The following MARK1 variants were observed in gnomAD, a reference collection of about 807,000 sequenced individuals.
MARK1 encodes serine/threonine-protein kinase MARK1.
Under a neutral mutation model 96.3 loss-of-function variants are expected in MARK1, and 40 were observed. The ratio of observed to expected loss-of-function variants is 0.42; its 90% CI spans 0.32 to 0.54. MARK1 has a LOEUF of 0.54. Ranked by LOEUF, MARK1 falls within the 20% of genes least tolerant of loss-of-function variation. The pLI is 0.16. For missense variants in MARK1, 719 were observed against 984.6 expected (o/e 0.73, Z 3.61); for synonymous variants, 317 against 341.2 (o/e 0.93, Z 0.78).
intron 5 of MARK1, among the ~76,000 whole-genome samples, chr1:220,600,487 A>T (rs931709879): frequency 6.6e-6 from 1 of 152,232 alleles, no homozygotes; most frequent in Non-Finnish European, 1.5e-5. Context: ...CTGATATGTG[A>T]TAGAAAATCA....
chr1:220,585,084 A>G (rs958336855), intron 3 of MARK1, among the ~76,000 whole-genome samples: 16 of 152,216 alleles, frequency 1.1e-4, no homozygotes, highest in African/African-American at 3.9e-4. Flanking sequence ...CTTTTAACCA[A>G]TAATGATGAA....
At chr1:220,566,265 C>T (rs553355732) in intron 1 of MARK1, among the ~76,000 whole-genome samples, 12 of 152,192 alleles carry the variant, frequency 7.9e-5, no homozygotes, top group African/African-American at 2.6e-4. Context: ...GTGTTCTGCT[C>T]GTAGTAGAAG....
chr1:220,603,327 A>G (rs765520847), intron 5 of MARK1, among the ~76,000 whole-genome samples: 2 of 152,088 alleles, frequency 1.3e-5, no homozygotes, highest in Non-Finnish European at 2.9e-5. Flanking sequence ...TAATGGATCC[A>G]GTAGAAAATT....
intron 9 of MARK1, 127 bp from the exon 10 acceptor site, chr1:220,630,908 A>C: frequency 1.5e-6 from 1 of 649,598 alleles, no homozygotes; most frequent in East Asian, 2.8e-5. Flanking sequence ...TTGGCCCACT[A>C]ATCAAACTAG....
chr1:220,557,765 C>A (rs1028470044), intron 1 of MARK1, among the ~76,000 whole-genome samples: 1 of 151,904 alleles, frequency 6.6e-6, no homozygotes, highest in African/African-American at 2.4e-5. Context: ...TGTAAAACTG[C>A]CAAAAAAGAG....
intron 1 of MARK1, among the ~76,000 whole-genome samples, chr1:220,560,856 T>A (rs1662621493): frequency 6.6e-6 from 1 of 152,204 alleles, no homozygotes; most frequent in African/African-American, 2.4e-5. Context: ...GTACTCAAAG[T>A]ACAGAGGACT....
At chr1:220,614,906 C>A (rs1187067193) in intron 6 of MARK1, among the ~76,000 whole-genome samples, 1 of 151,282 alleles carries the variant, frequency 6.6e-6, no homozygotes, top group East Asian at 1.9e-4. Context: ...GTTTTTTTTC[C>A]ACCCATATTC....
At chr1:220,548,042 C>G (rs1661619221) in intron 1 of MARK1, among the ~76,000 whole-genome samples, 1 of 152,238 alleles carries the variant, frequency 6.6e-6, no homozygotes, top group African/African-American at 2.4e-5. Flanking sequence ...ATTCCTCTTC[C>G]TACAATACTT....
At chr1:220,657,861 T>A in intron 17 of MARK1, 27 bp downstream of exon 17, 1 of 1,508,254 alleles carries the variant, frequency 6.6e-7, no homozygotes, top group Non-Finnish European at 8.9e-7. Context: ...AATACTTCGC[T>A]GCTAGGTCCC....
At chr1:220,610,506 A>G (rs1308205747) in intron 6 of MARK1, among the ~76,000 whole-genome samples, 1 of 151,924 alleles carries the variant, frequency 6.6e-6, no homozygotes, top group Non-Finnish European at 1.5e-5. Flanking sequence ...ATCCTCCTTT[A>G]GTTTGGAGAA....
At chr1:220,598,007 T>C (rs181157583) in intron 3 of MARK1, among the ~76,000 whole-genome samples, 2 of 152,204 alleles carry the variant, frequency 1.3e-5, no homozygotes, top group Admixed American at 1.3e-4. Flanking sequence ...GTTTTTCTTC[T>C]GTAGCTTTTC....
intron 1 of MARK1, among the ~76,000 whole-genome samples, chr1:220,568,798 G>C (rs1176244301): frequency 2.0e-5 from 3 of 152,220 alleles, no homozygotes; most frequent in South Asian, 2.1e-4. Flanking sequence ...TACATAACCA[G>C]CTCTGCCTAT....
At chr1:220,590,907 A>C (rs1466357305) in intron 3 of MARK1, among the ~76,000 whole-genome samples, 1 of 152,182 alleles carries the variant, frequency 6.6e-6, no homozygotes, top group Non-Finnish European at 1.5e-5. Flanking sequence ...TTTGAGATAT[A>C]GGAACCCAAT....
intron 1 of MARK1, among the ~76,000 whole-genome samples, chr1:220,542,429 T>C (rs1171703504): frequency 2.6e-5 from 4 of 152,234 alleles, no homozygotes; most frequent in Admixed American, 2.0e-4. Context: ...TTGTTTCTTA[T>C]TGAATGTGCT....
rs2102969554 is a variant in MARK1, at chr1:220,618,248, T to C, written c.553-62T>C. ...TGTAAGTTTGGAAGCTAAAACTCTT[T>C]TACAAATATTTTTATTTTATGTAGG... On this transcript the variant is annotated intron_variant, in intron 7 of 17. Transcript: ENST00000366917. This position sits in a 1 kb window ranked among gnomAD's most constrained non-coding sequence, Gnocchi z 4.6. 2 of 1,097,094 alleles carry C rather than the reference T, an allele frequency of 1.8e-6. No individual in the cohort carries two copies. Among genetic ancestry groups the C allele is most frequent in the South Asian group, 1.4e-5 (1 of 70,694 alleles). 68.0% of individuals were successfully genotyped at this position (1,097,094 alleles called of 1,614,324 possible).
chr1:220,543,773 G>T (rs1661301141), intron 1 of MARK1, among the ~76,000 whole-genome samples: 1 of 152,064 alleles, frequency 6.6e-6, no homozygotes, highest in South Asian at 2.1e-4. Flanking sequence ...ACTACCTGAG[G>T]AGATTGTTTC....
At chr1:220,568,176 C>A (rs1663195984) in intron 1 of MARK1, among the ~76,000 whole-genome samples, 1 of 151,946 alleles carries the variant, frequency 6.6e-6, no homozygotes, top group African/African-American at 2.4e-5. Flanking sequence ...AAAGTAAATG[C>A]AATAAATATC....
At chr1:220,558,865 T>G (rs1662474603) in intron 1 of MARK1, among the ~76,000 whole-genome samples, 1 of 152,176 alleles carries the variant, frequency 6.6e-6, no homozygotes, top group African/African-American at 2.4e-5. Flanking sequence ...GAATATACTC[T>G]TCTCTTGAAA....
At chr1:220,578,994 C>T (rs113411969) in intron 1 of MARK1, among the ~76,000 whole-genome samples, 10,083 of 152,132 alleles carry the variant, frequency 0.066, 400 homozygotes, top group Middle Eastern at 0.15. Flanking sequence ...AGGCACGTGC[C>T]ACCACAACCG....
Sources: gnomAD v4.1 joint callset for allele counts (sites outside exome capture counted in the v4.1 genomes callset) on GRCh38, gnomAD v4.1.1 for gene constraint, Gnocchi (gnomAD v3.1) non-coding constraint, MANE v1.5 for transcripts, NCBI Gene and HGNC (gene_info 2026-07-23, HGNC 2026-07-21) for gene names.